Variants in WWOX observed in about 807,000 individuals in gnomAD.
The protein encoded by WWOX is WW domain-containing oxidoreductase.
WWOX carries 69 observed loss-of-function variants against 46.2 expected under a neutral mutation model. The ratio of observed to expected loss-of-function variants is 1.49; its 90% CI spans 1.23 to 1.82. The LOEUF (loss-of-function observed/expected upper bound fraction) is 1.82, where lower values mean the gene tolerates loss of function less well. Ranked by LOEUF, WWOX falls within the 40% of genes most tolerant of loss-of-function variation. The probability of loss-of-function intolerance (pLI) is 0.00; values close to 1 mark genes in which losing one functional copy is unlikely to be tolerated. For synonymous variants in WWOX, 359 were observed against 202.6 expected (o/e 1.77, Z -6.56); for missense variants, 919 against 542.6 (o/e 1.69, Z -6.89).
chr16:78,783,136 A>T (rs559942964), intron 8 of WWOX, among the ~76,000 whole-genome samples: 1 of 152,358 alleles, frequency 6.6e-6, no homozygotes, highest in Admixed American at 6.5e-5. Context: ...CCAAAACAAA[A>T]CAAAAGCACA....
intron 8 of WWOX, among the ~76,000 whole-genome samples, chr16:78,624,306 C>G (rs577531770): frequency 9.2e-5 from 14 of 151,390 alleles, no homozygotes; most frequent in African/African-American, 3.2e-4. Context: ...CTGGCAGGGG[C>G]TCTGCAAAGT....
rs1320384895 is a variant in WWOX, at chr16:78,117,587, G to A, written c.409+2433G>A. ...TGCTAAGTTAGCTTTTATATCCTGC[G>A]TGGCTGCCTTAGAAAGTGTCCTTGC... On this transcript the variant is annotated intron_variant, in intron 4 of 8. Coordinates refer to ENST00000566780, the MANE Select transcript of WWOX (RefSeq NM_016373.4). 5.3e-5 allele frequency among the ~76,000 whole-genome samples: 8 copies of A among 152,274 alleles called. No individual in the cohort carries two copies. The South Asian group carries it at 8.3e-4, about 16-fold the overall frequency.
chr16:78,651,737 C>A (rs189615317), intron 8 of WWOX, among the ~76,000 whole-genome samples: 26 of 152,300 alleles, frequency 1.7e-4, no homozygotes, highest in African/African-American at 6.3e-4. Context: ...CAGCCCAAAT[C>A]TTTGATGAAG....
chr16:78,434,557 C>T (rs1477070994), intron 8 of WWOX, among the ~76,000 whole-genome samples: 1 of 152,102 alleles, frequency 6.6e-6, no homozygotes, highest in Non-Finnish European at 1.5e-5. Flanking sequence ...TTCTGCTGGC[C>T]CAGTGCCTTC....
chr16:78,593,762 T>TAC (rs2045408018), intron 8 of WWOX, among the ~76,000 whole-genome samples: 1 of 150,070 alleles, frequency 6.7e-6, no homozygotes, highest in Admixed American at 6.6e-5. Flanking sequence ...GAGAGACTGA[T>TAC]ACACAAAGAG....
chr16:78,779,680 C>T (rs894843627), intron 8 of WWOX, among the ~76,000 whole-genome samples: 2 of 152,130 alleles, frequency 1.3e-5, no homozygotes, highest in South Asian at 2.1e-4. Flanking sequence ...ATCAGTGATG[C>T]GACTGGGATC....
intron 8 of WWOX, among the ~76,000 whole-genome samples, chr16:78,685,899 AAC>A (rs71816605): frequency 0.13 from 16,974 of 135,684 alleles, 1,110 homozygotes; most frequent in South Asian, 0.24. Context: ...GAGGAAAAAA[AAC>A]AAAAAAGAAA....
intron 8 of WWOX, among the ~76,000 whole-genome samples, chr16:78,533,426 T>C (rs200767502): frequency 1.4e-5 from 2 of 142,280 alleles, no homozygotes; most frequent in Non-Finnish European, 3.1e-5. Flanking sequence ...AAAAAAAAAA[T>C]CCCCAAAAAA....
At chr16:78,777,830 A>G (rs1443395068) in intron 8 of WWOX, among the ~76,000 whole-genome samples, 1 of 152,076 alleles carries the variant, frequency 6.6e-6, no homozygotes, top group Admixed American at 6.6e-5. Context: ...GCAGATCATG[A>G]GGTCAAGAGA....
chr16:78,724,676 A>C (rs1372654480), intron 8 of WWOX, among the ~76,000 whole-genome samples: 4 of 152,166 alleles, frequency 2.6e-5, no homozygotes, highest in Admixed American at 6.5e-5. Flanking sequence ...GTTTACATCA[A>C]AATCAGCTCG....
chr16:78,321,348 ACG>A lies in WWOX; in HGVS notation c.517-65511_517-65510del, dbSNP rs375384441. ...TATACGTATATATGCGTATATATAT[ACG>A]TATATATGCGTATATATATACGTAT... On this transcript the variant is annotated intron_variant, in intron 5 of 8. Transcript: ENST00000566780. Among the ~76,000 whole-genome samples, 40 of 51,794 alleles carry A rather than the reference ACG, an allele frequency of 7.7e-4. 4 individuals carry two copies. The highest frequency in any genetic ancestry group is 3.8e-3 in the African/African-American group (35 of 9,254). 34.0% of individuals were successfully genotyped at this position (51,794 alleles called of 152,430 possible).
rs1282036114 is a variant in WWOX at position 78,802,370 on chromosome 16, A to G, written c.1056+369618A>G. Among the ~76,000 whole-genome samples the G allele has an allele frequency of 2.6e-5, 4 of 152,072 alleles. No individual in the cohort carries two copies. The East Asian group carries it at 5.8e-4, about 22-fold the overall frequency. On this transcript the variant is annotated intron_variant, in intron 8 of 8. Coordinates refer to ENST00000566780, the MANE Select transcript of WWOX (RefSeq NM_016373.4). ...AGAGAGAAAGAGGGTAGGTCTGTGA[A>G]TGGAATTGAACAGGTAGGTTGAACA...
At chr16:79,029,757 C>G (rs933803962) in intron 8 of WWOX, among the ~76,000 whole-genome samples, 2 of 152,142 alleles carry the variant, frequency 1.3e-5, no homozygotes, top group Non-Finnish European at 2.9e-5. Flanking sequence ...TTCCAGGAAT[C>G]TCAATTATTA....
intron 8 of WWOX, among the ~76,000 whole-genome samples, chr16:79,058,260 T>C (rs867654076): frequency 3.3e-5 from 5 of 152,176 alleles, no homozygotes; most frequent in Middle Eastern, 3.2e-3. Context: ...TCTTTGCATC[T>C]CTGAGCCTCT....
chr16:78,760,798 G>GC (rs2049773380), intron 8 of WWOX, among the ~76,000 whole-genome samples: 1 of 152,148 alleles, frequency 6.6e-6, no homozygotes, highest in Non-Finnish European at 1.5e-5. Flanking sequence ...TGCTGATAAA[G>GC]ACATACCCAA....
chr16:79,033,670 A>T (rs920043333), intron 8 of WWOX, among the ~76,000 whole-genome samples: 2 of 152,190 alleles, frequency 1.3e-5, no homozygotes, highest in Non-Finnish European at 2.9e-5. Flanking sequence ...AATGATTTTC[A>T]TCGTGCAAAA....
chr16:79,154,187 C>G (rs569160390), intron 8 of WWOX, among the ~76,000 whole-genome samples: 1 of 152,200 alleles, frequency 6.6e-6, no homozygotes, highest in African/African-American at 2.4e-5. Context: ...CACTACAGAT[C>G]GACACCCACT....
chr16:78,893,302 T>G (rs1359903725), intron 8 of WWOX, among the ~76,000 whole-genome samples: 1 of 152,018 alleles, frequency 6.6e-6, no homozygotes, highest in Non-Finnish European at 1.5e-5. Flanking sequence ...AAGCACAGAG[T>G]CAGGCCTCGA....
intron 6 of WWOX, among the ~76,000 whole-genome samples, chr16:78,414,543 C>T (rs1290519781): frequency 1.3e-5 from 2 of 152,128 alleles, no homozygotes; most frequent in Admixed American, 6.6e-5. Context: ...CTCCAGCCTG[C>T]AATGCAGAGT....
Sources: gnomAD v4.1 joint callset for allele counts (sites outside exome capture counted in the v4.1 genomes callset) on GRCh38, gnomAD v4.1.1 for gene constraint, MANE v1.5 for transcripts, NCBI Gene and HGNC (gene_info 2026-07-23, HGNC 2026-07-21) for gene names.